Variants in ACER3 observed in about 807,000 individuals in gnomAD.
ACER3 encodes alkaline ceramidase 3.
In ACER3, 16 loss-of-function variants were observed where a neutral mutation model predicts 48.9. That is an observed-to-expected ratio of 0.33 (90% CI 0.22 to 0.50). ACER3 has a LOEUF of 0.50. ACER3 is among the 20% of genes least tolerant of loss of function. The probability of loss-of-function intolerance (pLI) is 0.98; values close to 1 mark genes in which losing one functional copy is unlikely to be tolerated. For synonymous variants in ACER3, 109 were observed against 107.8 expected (o/e 1.01, Z -0.07); for missense variants, 227 against 326.0 (o/e 0.70, Z 2.34).
rs1949482154 is a variant in ACER3 at position 77,022,142 on chromosome 11, G to C, written c.*1815G>C. ...ATTATATTTTTATACTTTTCAGTTA[G>C]ATATACTTCTGCATAAAGAGTATAT... is the stretch of plus-strand genomic sequence containing the variant. On this transcript the variant is annotated 3_prime_UTR_variant, in exon 11 of 11. Coordinates refer to ENST00000532485, the MANE Select transcript of ACER3 (RefSeq NM_018367.7). The C allele has an allele frequency of 6.6e-6, 1 of 152,092 alleles. No homozygotes were observed. Among genetic ancestry groups the C allele is most frequent in the Non-Finnish European group, 1.5e-5 (1 of 68,018 alleles). The allele number at this position is 152,092 out of a possible 1,614,324, so 9.4% of individuals were successfully genotyped here. A position where few individuals can be genotyped will look rare whatever the true frequency, so the allele number is the denominator to read the frequency against.
At chr11:76,995,573 T>C (rs183746446) in intron 6 of ACER3, among the ~76,000 whole-genome samples, 5 of 152,074 alleles carry the variant, frequency 3.3e-5, no homozygotes, top group Admixed American at 6.5e-5. Flanking sequence ...TAGATAAAAA[T>C]TATAAGGAGC....
intron 1 of ACER3, among the ~76,000 whole-genome samples, chr11:76,905,960 G>A (rs1047784515): frequency 2.0e-5 from 3 of 152,172 alleles, no homozygotes; most frequent in African/African-American, 4.8e-5. Context: ...AAGGGGAATT[G>A]GCCAGACAGA....
At chr11:77,017,646 A>T (rs1160016722) in intron 9 of ACER3, among the ~76,000 whole-genome samples, 2 of 152,228 alleles carry the variant, frequency 1.3e-5, no homozygotes, top group Non-Finnish European at 2.9e-5. Flanking sequence ...GCAACCACAA[A>T]AGGCCACAGG....
At chr11:76,932,566 A>G (rs1264365859) in intron 2 of ACER3, among the ~76,000 whole-genome samples, 1 of 152,184 alleles carries the variant, frequency 6.6e-6, no homozygotes, top group South Asian at 2.1e-4. Context: ...TAACAACAAT[A>G]AGAACAAAAA....
chr11:76,900,061 G>A (rs913337173), intron 1 of ACER3, among the ~76,000 whole-genome samples: 15 of 152,240 alleles, frequency 9.9e-5, no homozygotes, highest in African/African-American at 3.6e-4. Context: ...AGGTGCAGTA[G>A]CTCATGTCTG....
intron 1 of ACER3, among the ~76,000 whole-genome samples, chr11:76,886,434 T>G (rs1267805910): frequency 6.6e-6 from 1 of 152,200 alleles, no homozygotes; most frequent in Non-Finnish European, 1.5e-5. Context: ...CTTTTTATAC[T>G]CAGTTCAGAA....
At chr11:77,003,049 T>G (rs10793226) in intron 7 of ACER3, among the ~76,000 whole-genome samples, 108,079 of 152,018 alleles carry the variant, frequency 0.71, 38,824 homozygotes, top group Non-Finnish European at 0.77. Flanking sequence ...AGTGGTAAGG[T>G]TTGCACAACA....
Position 76,907,973 on chromosome 11 carries a change from C to T in ACER3, c.104-18584C>T, listed in dbSNP as rs535389478. ...AATTTTTGCCGGGCACAGTGGCTGA[C>T]GCCTGTAATCCCAGCACCCTGGGAG... On this transcript the variant is annotated intron_variant, in intron 1 of 10. Coordinates refer to ENST00000532485, the MANE Select transcript of ACER3 (RefSeq NM_018367.7). Among the ~76,000 whole-genome samples, 35 of 152,302 alleles carry T rather than the reference C, an allele frequency of 2.3e-4. No homozygotes were observed. The South Asian group carries it at 3.1e-3, about 14-fold the overall frequency.
chr11:76,862,175 T>G (rs1944957812), intron 1 of ACER3, among the ~76,000 whole-genome samples: 1 of 152,130 alleles, frequency 6.6e-6, no homozygotes, highest in African/African-American at 2.4e-5. Context: ...GCTAACCTTC[T>G]CATTGTTGAG....
At chr11:76,942,959 GTGAATAGT>G (rs1479603815) in intron 2 of ACER3, among the ~76,000 whole-genome samples, 1 of 151,528 alleles carries the variant, frequency 6.6e-6, no homozygotes, top group Non-Finnish European at 1.5e-5. Context: ...TCTAGGCAGA[GTGAATAGT>G]TGTTTATAAT....
chr11:76,928,695 C>G (rs61900089), intron 2 of ACER3, among the ~76,000 whole-genome samples: 60,538 of 152,034 alleles, frequency 0.4, 14,859 homozygotes, highest in Non-Finnish European at 0.56. Flanking sequence ...CCAGTTTCCC[C>G]AGCACCATTT....
chr11:76,877,759 T>A (rs191354263), intron 1 of ACER3, among the ~76,000 whole-genome samples: 12 of 152,282 alleles, frequency 7.9e-5, no homozygotes, highest in African/African-American at 2.2e-4. Flanking sequence ...TGTCCTTCCC[T>A]GATCCCATCT....
At chr11:76,916,273 T>TA (rs1946527974) in intron 1 of ACER3, among the ~76,000 whole-genome samples, 1 of 152,226 alleles carries the variant, frequency 6.6e-6, no homozygotes. Flanking sequence ...TATTAGGTTT[T>TA]AAATACCTGT....
chr11:76,982,382 A>T (rs1425994306), intron 4 of ACER3, among the ~76,000 whole-genome samples: 1 of 151,704 alleles, frequency 6.6e-6, no homozygotes, highest in African/African-American at 2.4e-5. Context: ...ACCTCCAGCT[A>T]ATTTTTGTAT....
intron 1 of ACER3, among the ~76,000 whole-genome samples, chr11:76,893,050 C>T (rs1004454192): frequency 1.3e-5 from 2 of 152,102 alleles, no homozygotes; most frequent in African/African-American, 4.8e-5. Context: ...AGAATGCAAC[C>T]TCGTTTATAT....
chr11:76,939,313 G>T (rs72639138), intron 2 of ACER3, among the ~76,000 whole-genome samples: 15,151 of 152,258 alleles, frequency 0.1, 1,023 homozygotes, highest in East Asian at 0.35. Context: ...ACAAAGGGAA[G>T]AATGTTAACA....
At chr11:77,013,632 ATG>A (rs1949310791) in intron 7 of ACER3, among the ~76,000 whole-genome samples, 1 of 152,222 alleles carries the variant, frequency 6.6e-6, no homozygotes, top group South Asian at 2.1e-4. Flanking sequence ...CCTGGTGGGA[ATG>A]TAAAATGGTA....
chr11:76,890,927 G>A (rs1391867420), intron 1 of ACER3, among the ~76,000 whole-genome samples: 3 of 151,840 alleles, frequency 2.0e-5, no homozygotes, highest in Non-Finnish European at 4.4e-5. Flanking sequence ...CGAGACCCGT[G>A]GCCAATATGA....
intron 9 of ACER3, 165 bp from the exon 10 acceptor site, chr11:77,019,566 G>C (rs1949436002): frequency 1.6e-6 from 1 of 635,226 alleles, no homozygotes; most frequent in Non-Finnish European, 2.8e-6. Flanking sequence ...TGAATATTTT[G>C]AGTAGATGCT....
Sources: allele counts gnomAD v4.1 joint callset (sites outside exome capture counted in the v4.1 genomes callset), GRCh38; gene constraint gnomAD v4.1.1; transcripts MANE v1.5; gene names NCBI Gene and HGNC (gene_info 2026-07-23, HGNC 2026-07-21).